Variants in DRC11 observed in about 807,000 individuals in gnomAD.
DRC11 encodes the protein dynein regulatory complex subunit 11, also known as IQ and AAA domain-containing protein 1.
chr2:236,461,622 T>C, the DRC11 span, among the ~76,000 whole-genome samples: 10 of 152,164 alleles, frequency 6.6e-5, no homozygotes, highest in Non-Finnish European at 1.3e-4. This position sits in a 1 kb window ranked among gnomAD's most constrained non-coding sequence, Gnocchi z 4.0. Flanking sequence ...GGCATCTGAG[T>C]GAGCAGTGGT....
the DRC11 span, among the ~76,000 whole-genome samples, chr2:236,415,991 T>A: frequency 6.6e-6 from 1 of 152,086 alleles, no homozygotes; most frequent in African/African-American, 2.4e-5. This position sits in a 1 kb window ranked among gnomAD's most constrained non-coding sequence, Gnocchi z 5.7. Flanking sequence ...GGGGGCTTTT[T>A]TTTTCCAGAA....
chr2:236,331,502 C>T, the DRC11 span: 1 of 1,613,970 alleles, frequency 6.2e-7, no homozygotes, highest in Non-Finnish European at 8.5e-7. The surrounding 1 kb of genome is among the most constrained non-coding windows in gnomAD (Gnocchi z 4.8). Context: ...ACTATATGTC[C>T]TTGGGTGAAG....
chr2:236,490,967 T>A, the DRC11 span, among the ~76,000 whole-genome samples: 3 of 147,348 alleles, frequency 2.0e-5, no homozygotes, highest in Non-Finnish European at 4.5e-5. The surrounding 1 kb of genome is among the most constrained non-coding windows in gnomAD (Gnocchi z 5.5). Flanking sequence ...TGTATATATG[T>A]GTATATATAT....
chr2:236,491,465 A>T, the DRC11 span, among the ~76,000 whole-genome samples: 1 of 151,638 alleles, frequency 6.6e-6, no homozygotes, highest in Non-Finnish European at 1.5e-5. Flanking sequence ...AGGAACACAG[A>T]AGCCTGTCTG....
chr2:236,315,311 C>A, the DRC11 span, among the ~76,000 whole-genome samples: 1 of 152,124 alleles, frequency 6.6e-6, no homozygotes, highest in African/African-American at 2.4e-5. This position sits in a 1 kb window ranked among gnomAD's most constrained non-coding sequence, Gnocchi z 5.1. Flanking sequence ...GAACAAAAAT[C>A]AATTCCAGGT....
chr2:236,363,495 A>C, the DRC11 span, among the ~76,000 whole-genome samples: 1 of 152,194 alleles, frequency 6.6e-6, no homozygotes, highest in Non-Finnish European at 1.5e-5. This position sits in a 1 kb window ranked among gnomAD's most constrained non-coding sequence, Gnocchi z 5.6. Context: ...CCGAGCAAAG[A>C]AATTGTGGGT....
the DRC11 span, among the ~76,000 whole-genome samples, chr2:236,322,229 CTTTTTTTTTTT>C: frequency 5.1e-5 from 5 of 98,542 alleles, no homozygotes; most frequent in East Asian, 5.6e-4. Flanking sequence ...TTTCTTTCCT[CTTTTTTTTTTT>C]TTTTTTTTTT....
At chr2:236,335,297 T>C in the DRC11 span, among the ~76,000 whole-genome samples, 1 of 152,230 alleles carries the variant, frequency 6.6e-6, no homozygotes, top group Admixed American at 6.5e-5. The surrounding 1 kb of genome is among the most constrained non-coding windows in gnomAD (Gnocchi z 5.6). Context: ...TCCCAGCCAC[T>C]GTGGCTATGA....
chr2:236,337,546 G>T, the DRC11 span, among the ~76,000 whole-genome samples: 1 of 152,182 alleles, frequency 6.6e-6, no homozygotes, highest in African/African-American at 2.4e-5. The surrounding 1 kb of genome is among the most constrained non-coding windows in gnomAD (Gnocchi z 4.9). Flanking sequence ...GAAGGTGACC[G>T]ACTTGTCAGG....
the DRC11 span, among the ~76,000 whole-genome samples, chr2:236,351,462 C>G: frequency 7.2e-5 from 11 of 152,166 alleles, no homozygotes; most frequent in African/African-American, 2.7e-4. The surrounding 1 kb of genome is among the most constrained non-coding windows in gnomAD (Gnocchi z 7.3). Context: ...GGTATCCTCA[C>G]CTGGGGCACA....
chr2:236,429,096 C>T, the DRC11 span, among the ~76,000 whole-genome samples: 1 of 152,172 alleles, frequency 6.6e-6, no homozygotes, highest in South Asian at 2.1e-4. The surrounding 1 kb of genome is among the most constrained non-coding windows in gnomAD (Gnocchi z 5.9). Flanking sequence ...CACCTGTGGG[C>T]AGCAGGGTGG....
At chr2:236,479,137 A>G in the DRC11 span, among the ~76,000 whole-genome samples, 1 of 152,106 alleles carries the variant, frequency 6.6e-6, no homozygotes, top group Admixed American at 6.5e-5. This position sits in a 1 kb window ranked among gnomAD's most constrained non-coding sequence, Gnocchi z 4.1. Context: ...TTTGTAGTCT[A>G]TTTTATCTAA....
chr2:236,500,575 T>C, the DRC11 span, among the ~76,000 whole-genome samples: 1 of 152,182 alleles, frequency 6.6e-6, no homozygotes, highest in East Asian at 1.9e-4. The surrounding 1 kb of genome is among the most constrained non-coding windows in gnomAD (Gnocchi z 6.3). Context: ...CTATTGCTAG[T>C]GAAAGAGCAC....
chr2:236,405,578 G>T, the DRC11 span, among the ~76,000 whole-genome samples: 3 of 151,894 alleles, frequency 2.0e-5, no homozygotes, highest in African/African-American at 7.3e-5. The surrounding 1 kb of genome is among the most constrained non-coding windows in gnomAD (Gnocchi z 4.6). Flanking sequence ...TTTCTCATCG[G>T]CCTCTCACTT....
At chr2:236,490,829 A>G in the DRC11 span, among the ~76,000 whole-genome samples, 1 of 151,332 alleles carries the variant, frequency 6.6e-6, no homozygotes, top group South Asian at 2.1e-4. The surrounding 1 kb of genome is among the most constrained non-coding windows in gnomAD (Gnocchi z 5.5). Context: ...ATATATACAT[A>G]TACACATATA....
chr2:236,408,257 CT>C, the DRC11 span: 1 of 853,056 alleles, frequency 1.2e-6, no homozygotes, highest in African/African-American at 1.7e-5. This position sits in a 1 kb window ranked among gnomAD's most constrained non-coding sequence, Gnocchi z 5.5. Context: ...TGATGGTAGC[CT>C]TTCTGCCCAG....
the DRC11 span, among the ~76,000 whole-genome samples, chr2:236,347,508 C>CTATATATATATATATA: frequency 2.7e-4 from 29 of 107,524 alleles, 4 homozygotes; most frequent in Admixed American, 5.5e-4. Flanking sequence ...AAAAACTGTG[C>CTATATATATATATATA]TATATATATA....
At chr2:236,488,376 A>G in the DRC11 span, among the ~76,000 whole-genome samples, 2 of 152,204 alleles carry the variant, frequency 1.3e-5, no homozygotes, top group Non-Finnish European at 2.9e-5. Context: ...ATAACATGAC[A>G]TGCTCATGCT....
the DRC11 span, among the ~76,000 whole-genome samples, chr2:236,356,122 A>G: frequency 6.6e-6 from 1 of 152,068 alleles, no homozygotes; most frequent in Non-Finnish European, 1.5e-5. Flanking sequence ...ACTCTAACTC[A>G]GCCCTCAGGG....
Sources: allele counts gnomAD v4.1 joint callset (sites outside exome capture counted in the v4.1 genomes callset), GRCh38; gene constraint gnomAD v4.1.1; non-coding constraint Gnocchi (gnomAD v3.1); transcripts MANE v1.5; gene names NCBI Gene and HGNC (gene_info 2026-07-23, HGNC 2026-07-21).